Variants in QTMAN observed in about 807,000 individuals in gnomAD.
QTMAN encodes tRNA-queuosine alpha-mannosyltransferase.
the QTMAN span, among the ~76,000 whole-genome samples, chr2:144,182,828 A>C: frequency 1.5e-5 from 1 of 67,206 alleles, no homozygotes; most frequent in Non-Finnish European, 2.6e-5. Context: ...TTATATATAT[A>C]ATATATATAT....
chr2:144,080,448 C>CTT, the QTMAN span, among the ~76,000 whole-genome samples: 3 of 152,138 alleles, frequency 2.0e-5, no homozygotes, highest in Non-Finnish European at 4.4e-5. Context: ...CCATGGCTGT[C>CTT]TATTACCTGG....
the QTMAN span, among the ~76,000 whole-genome samples, chr2:144,048,086 T>C: frequency 6.6e-6 from 1 of 152,196 alleles, no homozygotes; most frequent in Non-Finnish European, 1.5e-5. Flanking sequence ...AAGTACGTAC[T>C]AAGTGTCCAG....
chr2:144,300,233 C>T, the QTMAN span, among the ~76,000 whole-genome samples: 2 of 152,278 alleles, frequency 1.3e-5, no homozygotes, highest in African/African-American at 4.8e-5. Context: ...CTGACCTATA[C>T]ACTTAAAAAT....
At chr2:144,188,509 G>A in the QTMAN span, among the ~76,000 whole-genome samples, 2 of 25,168 alleles carry the variant, frequency 7.9e-5, no homozygotes, top group Admixed American at 4.6e-4. Context: ...TTTTGCAATC[G>A]GATGGATGGA....
the QTMAN span, among the ~76,000 whole-genome samples, chr2:144,070,624 G>T: frequency 6.6e-6 from 1 of 152,166 alleles, no homozygotes; most frequent in Non-Finnish European, 1.5e-5. Context: ...AGCACAGTGA[G>T]CTGTGTTAAC....
the QTMAN span, among the ~76,000 whole-genome samples, chr2:144,048,397 G>A: frequency 6.6e-6 from 1 of 152,102 alleles, no homozygotes; most frequent in Non-Finnish European, 1.5e-5. Flanking sequence ...AATATTTACT[G>A]AGATCATACT....
the QTMAN span, among the ~76,000 whole-genome samples, chr2:144,240,741 T>C: frequency 1.3e-5 from 2 of 152,128 alleles, no homozygotes; most frequent in African/African-American, 4.8e-5. Context: ...CACAAACAAG[T>C]AGAACAGGTT....
At chr2:144,322,647 T>C in the QTMAN span, among the ~76,000 whole-genome samples, 1 of 152,166 alleles carries the variant, frequency 6.6e-6, no homozygotes. Flanking sequence ...GAAGCACATG[T>C]ATTAATAGCC....
the QTMAN span, among the ~76,000 whole-genome samples, chr2:144,205,112 G>C: frequency 6.6e-6 from 1 of 151,970 alleles, no homozygotes; most frequent in South Asian, 2.1e-4. Flanking sequence ...CCTGCACATT[G>C]TGCACATGTA....
the QTMAN span, among the ~76,000 whole-genome samples, chr2:144,309,028 C>G: frequency 4.5e-4 from 69 of 152,300 alleles, 1 homozygote; most frequent in East Asian, 0.012. Flanking sequence ...ATATCAACAT[C>G]ACTGGTAATC....
At chr2:144,221,120 C>T in the QTMAN span, among the ~76,000 whole-genome samples, 2 of 152,162 alleles carry the variant, frequency 1.3e-5, no homozygotes, top group Admixed American at 1.3e-4. Context: ...GGACTGTTCT[C>T]ATGTCTCCAA....
chr2:144,300,828 G>T, the QTMAN span, among the ~76,000 whole-genome samples: 1 of 152,128 alleles, frequency 6.6e-6, no homozygotes, highest in Middle Eastern at 3.2e-3. Flanking sequence ...ACGAGAAAAT[G>T]GTCTTGTCCA....
the QTMAN span, among the ~76,000 whole-genome samples, chr2:144,328,499 A>G: frequency 5.3e-5 from 8 of 152,250 alleles, no homozygotes; most frequent in African/African-American, 1.9e-4. Flanking sequence ...CAAACTGAGT[A>G]CATCCAAAGG....
At chr2:144,181,680 G>C in the QTMAN span, among the ~76,000 whole-genome samples, 32 of 152,102 alleles carry the variant, frequency 2.1e-4, no homozygotes, top group Admixed American at 2.1e-3. Context: ...GTGTGGTGGT[G>C]CATGCCTGTA....
chr2:144,046,559 T>C, the QTMAN span, among the ~76,000 whole-genome samples: 4 of 152,186 alleles, frequency 2.6e-5, no homozygotes, highest in Non-Finnish European at 5.9e-5. Context: ...CACTATTGTA[T>C]CAAAAATCTA....
the QTMAN span, among the ~76,000 whole-genome samples, chr2:143,976,759 G>C: frequency 4.6e-5 from 7 of 152,302 alleles, no homozygotes; most frequent in Non-Finnish European, 7.4e-5. Context: ...GCTACTACCA[G>C]TGCTTTCTCT....
At chr2:144,275,453 T>C in the QTMAN span, among the ~76,000 whole-genome samples, 3 of 152,052 alleles carry the variant, frequency 2.0e-5, no homozygotes, top group Non-Finnish European at 4.4e-5. Context: ...GTCAGGGACA[T>C]TGGCCTGTCT....
At chr2:144,139,529 G>C in the QTMAN span, among the ~76,000 whole-genome samples, 1 of 152,060 alleles carries the variant, frequency 6.6e-6, no homozygotes, top group East Asian at 1.9e-4. Context: ...CTAGTAAGTG[G>C]TGGTCAAAAC....
the QTMAN span, among the ~76,000 whole-genome samples, chr2:144,196,202 T>G: frequency 7.0e-6 from 1 of 143,800 alleles, no homozygotes; most frequent in South Asian, 2.2e-4. Flanking sequence ...TGCACGTGCA[T>G]GCACACATAG....
Sources: gnomAD v4.1 joint callset for allele counts (sites outside exome capture counted in the v4.1 genomes callset) on GRCh38, gnomAD v4.1.1 for gene constraint, MANE v1.5 for transcripts, NCBI Gene and HGNC (gene_info 2026-07-23, HGNC 2026-07-21) for gene names.